Variants in BRI3 observed in about 807,000 individuals in gnomAD.
The protein encoded by BRI3 is brain protein I3, also known as membrane protein BRI3.
In BRI3, 6 loss-of-function variants were observed where a neutral mutation model predicts 12.8. The ratio of observed to expected loss-of-function variants is 0.47; its 90% confidence interval spans 0.26 to 0.93. BRI3 has a LOEUF of 0.93. Ranked by LOEUF, BRI3 falls within the 40% of genes least tolerant of loss-of-function variation. The pLI is 0.15. For missense variants in BRI3, 134 were observed against 171.1 expected, an observed-to-expected ratio of 0.78 and a Z score of 1.21; for synonymous variants, 91 against 76.1, an observed-to-expected ratio of 1.20 and a Z score of -1.02.
the BRI3 span, among the ~76,000 whole-genome samples, chr7:98,322,044 C>T: frequency 3.3e-5 from 5 of 152,214 alleles, no homozygotes; most frequent in East Asian, 3.9e-4. Context: ...TGCAGTGAGC[C>T]GAGATAGCGC....
the BRI3 span, among the ~76,000 whole-genome samples, chr7:98,318,824 A>AAG: frequency 6.6e-6 from 1 of 151,466 alleles, no homozygotes; most frequent in African/African-American, 2.4e-5. Flanking sequence ...GGTGCCTGTA[A>AAG]TCCCAGCTAA....
At chr7:98,305,527 C>T (rs1431008323), upstream of BRI3, among the ~76,000 whole-genome samples, 1 of 151,940 alleles carries the variant, frequency 6.6e-6, no homozygotes, top group Admixed American at 6.6e-5. Context: ...AACTTCGATC[C>T]TCCCGCCTCA....
intron 1 of BRI3, among the ~76,000 whole-genome samples, chr7:98,298,790 C>CT (rs902111641): frequency 5.8e-4 from 88 of 152,248 alleles, no homozygotes; most frequent in African/African-American, 2.0e-3. Flanking sequence ...AATTCCAGGA[C>CT]TGTGTCCCCA....
downstream of BRI3, among the ~76,000 whole-genome samples, chr7:98,314,533 A>G (rs1562970186): frequency 1.3e-5 from 2 of 152,128 alleles, no homozygotes. Context: ...AGGAAAGGAA[A>G]TGTGACATGT....
chr7:98,313,628 G>C (rs1367874128), downstream of BRI3, among the ~76,000 whole-genome samples: 2 of 151,926 alleles, frequency 1.3e-5, no homozygotes, highest in Non-Finnish European at 2.9e-5. Flanking sequence ...ATTTTCTTCT[G>C]CTTTTTTGAG....
At chr7:98,317,097 A>T in the BRI3 span, 2 of 1,245,578 alleles carry the variant, frequency 1.6e-6, no homozygotes, top group Non-Finnish European at 2.3e-6. Flanking sequence ...ATATGATCCT[A>T]CTGCCTCGGC....
chr7:98,298,160 G>A (rs1211115599), intron 1 of BRI3, among the ~76,000 whole-genome samples: 1 of 152,244 alleles, frequency 6.6e-6, no homozygotes, highest in Non-Finnish European at 1.5e-5. Flanking sequence ...AGAAGCCCCT[G>A]CTCTCAGATC....
intron 2 of BRI3, among the ~76,000 whole-genome samples, chr7:98,289,036 C>T (rs1219436876): frequency 6.6e-6 from 1 of 152,174 alleles, no homozygotes; most frequent in Non-Finnish European, 1.5e-5. Context: ...TCTCAGCTCA[C>T]TGCAACCTCT....
chr7:98,308,265 G>A (rs994223183), exon 2 of BRI3: 2 of 473,874 alleles, frequency 4.2e-6, no homozygotes, highest in Non-Finnish European at 8.4e-6. Context: ...AATTCCAATC[G>A]CAAAGGCAGG....
chr7:98,322,344 AC>A, the BRI3 span, among the ~76,000 whole-genome samples: 1 of 152,250 alleles, frequency 6.6e-6, no homozygotes, highest in African/African-American at 2.4e-5. Context: ...GAACACGACC[AC>A]GCAGACGTCC....
chr7:98,321,778 A>G, the BRI3 span, among the ~76,000 whole-genome samples: 1 of 152,264 alleles, frequency 6.6e-6, no homozygotes, highest in East Asian at 1.9e-4. Context: ...CCGGCGGACC[A>G]TCCTACAGCT....
chr7:98,285,037 A>C (rs537857391), intron 2 of BRI3, among the ~76,000 whole-genome samples: 3 of 152,064 alleles, frequency 2.0e-5, no homozygotes, highest in Non-Finnish European at 4.4e-5. Flanking sequence ...GCAAGCGGGG[A>C]AGGCAGGAGT....
At chr7:98,308,623 A>T in exon 2 of BRI3, 1 of 231,782 alleles carries the variant, frequency 4.3e-6, no homozygotes. Context: ...CTCCATTCAA[A>T]CACAGGCTGA....
upstream of BRI3, chr7:98,306,482 G>T (rs1800661810): frequency 6.2e-7 from 1 of 1,614,134 alleles, no homozygotes. Flanking sequence ...TTTTCTTCCA[G>T]CAACTTCGTG....
At chr7:98,292,595 G>A (rs752616690), downstream of BRI3, 31 of 1,539,182 alleles carry the variant, frequency 2.0e-5, no homozygotes, top group African/African-American at 5.5e-5. Context: ...GCCAGGTTCC[G>A]AGGGCATCAT....
chr7:98,311,765 G>A (rs561130255), downstream of BRI3, among the ~76,000 whole-genome samples: 2 of 152,114 alleles, frequency 1.3e-5, no homozygotes, highest in Admixed American at 1.3e-4. Flanking sequence ...AATTAGCCAG[G>A]CATGGTGGTG....
chr7:98,305,055 T>TG (rs1282190610), upstream of BRI3, among the ~76,000 whole-genome samples: 7 of 139,730 alleles, frequency 5.0e-5, no homozygotes, highest in South Asian at 1.3e-3. Flanking sequence ...TTGTTTTTTT[T>TG]TTTTTTTTTT....
the BRI3 span, among the ~76,000 whole-genome samples, chr7:98,321,098 A>G: frequency 6.6e-6 from 1 of 151,740 alleles, no homozygotes; most frequent in South Asian, 2.1e-4. Context: ...ACCTCAAGTG[A>G]TCCGCACACC....
At position 98,290,993 on chromosome 7, in the gene BRI3, G is replaced by A. The variant is rs551635336; in HGVS notation, c.246-118G>A. On this transcript the variant is annotated intron_variant, in intron 2 of 2. Transcript: ENST00000297290. ...GGGGGCTGTTTTCTGTCACTCGCCA[G>A]AGGTCCCCATGTGACTCATGGCCAC... 5,100 of 1,195,228 alleles carry A rather than the reference G, an allele frequency of 4.3e-3. 32 individuals carry two copies. The highest frequency in any genetic ancestry group is 0.014 in the South Asian group (1,009 of 72,432). The allele number at this position is 1,195,228 out of a possible 1,614,324, so 74.0% of individuals were successfully genotyped here.
Sources: gnomAD v4.1 joint callset for allele counts (sites outside exome capture counted in the v4.1 genomes callset) on GRCh38, gnomAD v4.1.1 for gene constraint, MANE v1.5 for transcripts, NCBI Gene and HGNC (gene_info 2026-07-23, HGNC 2026-07-21) for gene names.